Variants in DDX46 observed in about 807,000 individuals in gnomAD.
DDX46 encodes DEAD-box helicase 46.
A neutral mutation model predicts 134.9 loss-of-function variants in DDX46; 30 were observed. The observed-to-expected ratio is 0.22, with a 90% CI of 0.17 to 0.30. DDX46 has a LOEUF of 0.30. Among genes scored for constraint, DDX46 ranks in the 10% least tolerant of loss-of-function variants. The pLI, the probability that DDX46 is intolerant of heterozygous loss-of-function variation, is 1.00. For missense variants in DDX46, 622 were observed against 1,248.7 expected, an observed-to-expected ratio of 0.50 and a Z score of 7.56; for synonymous variants, 415 against 404.1, an observed-to-expected ratio of 1.03 and a Z score of -0.32.
At chr5:134,768,430 C>CT (rs1460003598) in intron 3 of DDX46, among the ~76,000 whole-genome samples, 1 of 151,080 alleles carries the variant, frequency 6.6e-6, no homozygotes. Flanking sequence ...TTAAATTGCT[C>CT]TAGGGATATC....
At chr5:134,772,939 A>G (rs747854987) in intron 4 of DDX46, among the ~76,000 whole-genome samples, 1 of 152,114 alleles carries the variant, frequency 6.6e-6, no homozygotes, top group Admixed American at 6.6e-5. Flanking sequence ...AGGAGGAACT[A>G]CAGGAATGGG....
At chr5:134,798,112 C>T (rs752414292) in intron 15 of DDX46, among the ~76,000 whole-genome samples, 7 of 150,208 alleles carry the variant, frequency 4.7e-5, no homozygotes, top group East Asian at 2.0e-4. Flanking sequence ...GTGCCCGGCC[C>T]GAAAATGACT....
Position 134,799,725 on chromosome 5 carries a change from C to T in DDX46, c.1954+3575C>T, listed in dbSNP as rs900976843. 4.8e-5 allele frequency among the ~76,000 whole-genome samples: 7 copies of T among 145,690 alleles called. No homozygotes were observed. The East Asian group carries it at 1.4e-3, about 30-fold the overall frequency. ...TGCACTCTGGTGTGGGCGACAAAAG[C>T]GAGACTCCGTCTCAAGAAAAAAAAA... On this transcript the variant is annotated intron_variant, in intron 15 of 22. Coordinates refer to ENST00000452510, the MANE Select transcript of DDX46 (RefSeq NM_001300860.2).
chr5:134,776,286 A>T (rs576973592), intron 5 of DDX46, among the ~76,000 whole-genome samples: 8 of 152,030 alleles, frequency 5.3e-5, no homozygotes, highest in Admixed American at 2.0e-4. Context: ...GCTACTCGGG[A>T]GGCTGAGGCA....
At chr5:134,792,050 G>A (rs903714090) in intron 13 of DDX46, among the ~76,000 whole-genome samples, 2 of 152,056 alleles carry the variant, frequency 1.3e-5, no homozygotes, top group Non-Finnish European at 2.9e-5. Flanking sequence ...GGTGACGGGC[G>A]CCTGTAATCC....
At chr5:134,808,549 C>T (rs533703832) in intron 16 of DDX46, among the ~76,000 whole-genome samples, 14 of 152,202 alleles carry the variant, frequency 9.2e-5, no homozygotes, top group African/African-American at 3.4e-4. Flanking sequence ...CATTGTAAGT[C>T]GGGGACCATC....
chr5:134,816,092 A>G (rs1755281799), intron 18 of DDX46, among the ~76,000 whole-genome samples: 2 of 152,080 alleles, frequency 1.3e-5, no homozygotes, highest in South Asian at 2.1e-4. Context: ...GCTGCATCCT[A>G]TTGGCTATTC....
chr5:134,776,979 G>A lies in DDX46; in HGVS notation c.614-595G>A, dbSNP rs943831295. 9.3e-5 allele frequency among the ~76,000 whole-genome samples: 14 copies of A among 150,824 alleles called. No homozygotes were observed. The East Asian group carries it at 1.6e-3, about 17-fold the overall frequency. On this transcript the variant is annotated intron_variant, in intron 5 of 22. Coordinates refer to ENST00000452510, the MANE Select transcript of DDX46 (RefSeq NM_001300860.2). ...TGTAATCCCAGCACTTTGGGAGGCC[G>A]AGGCGGGCGGATCACGAGGTTAGGA...
intron 3 of DDX46, 46 bp downstream of exon 3, chr5:134,767,106 C>T: frequency 6.7e-7 from 1 of 1,499,668 alleles, no homozygotes; most frequent in Admixed American, 2.3e-5. Context: ...CTGGGGACTG[C>T]TTCCCTTCTC....
At chr5:134,762,805 C>T (rs1410224824) in intron 1 of DDX46, among the ~76,000 whole-genome samples, 2 of 152,042 alleles carry the variant, frequency 1.3e-5, no homozygotes, top group African/African-American at 2.4e-5. Context: ...GCCTGTAATC[C>T]CAGCACTTTG....
rs529436532 is a variant in DDX46 at position 134,770,969 on chromosome 5, C to T, written c.417C>T (p.Asp139=). 20 of 1,493,144 alleles carry T rather than the reference C, an allele frequency of 1.3e-5. No individual in the cohort carries two copies. The South Asian group carries it at 2.4e-4, about 18-fold the overall frequency. The allele number at this position is 1,493,144 out of a possible 1,614,324, so 92.5% of individuals were successfully genotyped here. ...AAGAGAAGAAAAAAGACAAAGATGA[C>T]AAGGAGGATGAAAAAGAAAAAGATG... ...SSKEKKKDKD[D]KEDEKEKDAG... is the part of the protein sequence containing the mutation. Residue 139 remains aspartate, a synonymous_variant, in exon 4 of 23, where the codon GAC becomes GAT. Coordinates refer to ENST00000452510, the MANE Select transcript of DDX46 (RefSeq NM_001300860.2).
At chr5:134,760,606 C>T (rs1753347305) in intron 1 of DDX46, among the ~76,000 whole-genome samples, 1 of 152,150 alleles carries the variant, frequency 6.6e-6, no homozygotes, top group Non-Finnish European at 1.5e-5. Flanking sequence ...AGGAAGACTA[C>T]AGTCTTTAAG....
At chr5:134,783,873 T>C (rs920963584) in intron 9 of DDX46, among the ~76,000 whole-genome samples, 1 of 146,408 alleles carries the variant, frequency 6.8e-6, no homozygotes, top group Non-Finnish European at 1.5e-5. Flanking sequence ...TTTTAAGAGA[T>C]GGGGTGTCGC....
intron 13 of DDX46, among the ~76,000 whole-genome samples, chr5:134,793,072 G>A (rs1031530812): frequency 1.3e-5 from 2 of 152,150 alleles, no homozygotes; most frequent in Admixed American, 6.5e-5. Context: ...TAGCAGGATT[G>A]CTTGAGCCTG....
chr5:134,772,882 A>G (rs1352953217), intron 4 of DDX46, among the ~76,000 whole-genome samples: 1 of 151,736 alleles, frequency 6.6e-6, no homozygotes, highest in Admixed American at 6.6e-5. Context: ...GCTCGCTGCA[A>G]CCTCTGCCTC....
At chr5:134,781,080 T>C in intron 6 of DDX46, 53 bp from the exon 7 acceptor site, 1 of 1,308,620 alleles carries the variant, frequency 7.6e-7, no homozygotes, top group Non-Finnish European at 1.0e-6. Context: ...TCAGCAGTCA[T>C]ATAACTTGTG....
At chr5:134,781,267 CTTTG>C in intron 7 of DDX46, 21 bp downstream of exon 7, 1 of 1,568,754 alleles carries the variant, frequency 6.4e-7, no homozygotes, top group Non-Finnish European at 8.7e-7. Context: ...TTAATTTTGA[CTTTG>C]TTTATGATAC....
chr5:134,824,812 C>T (rs1315636074), intron 21 of DDX46, among the ~76,000 whole-genome samples: 1 of 152,086 alleles, frequency 6.6e-6, no homozygotes, highest in Non-Finnish European at 1.5e-5. Context: ...TTGGAGGGAC[C>T]CCACTGCCTG....
At chr5:134,790,387 TTTTAA>T in intron 12 of DDX46, 78 bp from the exon 13 acceptor site, 1 of 1,285,872 alleles carries the variant, frequency 7.8e-7, no homozygotes. Flanking sequence ...CCTTTACAGT[TTTTAA>T]AAGTTCTTGG....
Sources: allele counts gnomAD v4.1 joint callset (sites outside exome capture counted in the v4.1 genomes callset), GRCh38; gene constraint gnomAD v4.1.1; transcripts MANE v1.5; gene names NCBI Gene and HGNC (gene_info 2026-07-23, HGNC 2026-07-21).